Variants in HDAC9 observed in about 807,000 individuals in gnomAD.
HDAC9 encodes the protein histone deacetylase 9, also known as MEF-2 interacting transcription repressor (MITR) protein.
HDAC9 carries 41 observed loss-of-function variants against 139.4 expected under a neutral mutation model. That is an observed-to-expected ratio of 0.29 (90% confidence interval 0.23 to 0.38). The LOEUF (loss-of-function observed/expected upper bound fraction) is 0.38, where lower values mean the gene tolerates loss of function less well. HDAC9 is among the 10% of genes least tolerant of loss of function. The pLI is 1.00. For missense variants in HDAC9, 1,147 were observed against 1,297.0 expected, an observed-to-expected ratio of 0.88 and a Z score of 1.78; for synonymous variants, 517 against 476.2, an observed-to-expected ratio of 1.09 and a Z score of -1.12.
chr7:18,177,767 A>G (rs1323684475), intron 2 of HDAC9, among the ~76,000 whole-genome samples: 1 of 152,154 alleles, frequency 6.6e-6, no homozygotes, highest in Non-Finnish European at 1.5e-5. Context: ...AGCAGTTGGC[A>G]GCTGTATTTA....
At chr7:18,825,975 G>T (rs927633498) in intron 17 of HDAC9, among the ~76,000 whole-genome samples, 5 of 151,272 alleles carry the variant, frequency 3.3e-5, no homozygotes, top group Non-Finnish European at 7.4e-5. Context: ...TCTATAATTT[G>T]GAGGGGAATT....
chr7:18,946,379 G>T lies in HDAC9; in HGVS notation c.2938-7767G>T, dbSNP rs1204356878. On this transcript the variant is annotated intron_variant, in intron 23 of 25. Transcript: ENST00000686413. ...GATTTAGTTCACCAATTAAGACAAA[G>T]GTGATAACATTGTAATAACAGATGC... 2.0e-5 allele frequency among the ~76,000 whole-genome samples: 3 copies of T among 151,944 alleles called. 1 individual carries two copies. Among genetic ancestry groups the T allele is most frequent in the African/African-American group, 7.2e-5 (3 of 41,400 alleles).
chr7:18,561,405 G>A (rs563915608), intron 2 of HDAC9, among the ~76,000 whole-genome samples: 8 of 152,256 alleles, frequency 5.3e-5, no homozygotes, highest in African/African-American at 1.7e-4. Flanking sequence ...CTAGAGCTCA[G>A]TATATCTAAA....
intron 1 of HDAC9, among the ~76,000 whole-genome samples, chr7:18,315,525 T>C (rs1255865046): frequency 2.6e-5 from 4 of 152,238 alleles, no homozygotes; most frequent in Non-Finnish European, 5.9e-5. Context: ...GCTGTAAGCC[T>C]AAATAGATGT....
intron 1 of HDAC9, among the ~76,000 whole-genome samples, chr7:18,479,698 G>C (rs767289400): frequency 2.6e-5 from 4 of 151,772 alleles, no homozygotes; most frequent in Non-Finnish European, 5.9e-5. Context: ...TTCTATCCAT[G>C]GACAAAATGT....
chr7:18,317,006 A>G (rs886305489), intron 1 of HDAC9, among the ~76,000 whole-genome samples: 2 of 151,580 alleles, frequency 1.3e-5, no homozygotes, highest in Non-Finnish European at 2.9e-5. Flanking sequence ...AGGCAGGAGA[A>G]TGGCGTGAAC....
intron 2 of HDAC9, chr7:18,496,554 T>G (rs1796996493): frequency 3.8e-6 from 2 of 524,626 alleles, no homozygotes; most frequent in Admixed American, 6.8e-5. Flanking sequence ...AAACTATTGC[T>G]TCTGATGAAA....
At chr7:18,111,315 A>G (rs995471890) in intron 1 of HDAC9, among the ~76,000 whole-genome samples, 7 of 152,238 alleles carry the variant, frequency 4.6e-5, no homozygotes, top group African/African-American at 1.7e-4. Flanking sequence ...AGTAGTTGCT[A>G]ACTGAAGTCA....
At chr7:18,179,535 A>T (rs1366041882) in intron 2 of HDAC9, among the ~76,000 whole-genome samples, 3 of 151,900 alleles carry the variant, frequency 2.0e-5, no homozygotes, top group Admixed American at 6.6e-5. Context: ...TTTTGCTTCT[A>T]CCTCTCTTAT....
intron 2 of HDAC9, among the ~76,000 whole-genome samples, chr7:18,536,635 T>A (rs1811006959): frequency 6.6e-6 from 1 of 152,174 alleles, no homozygotes; most frequent in Non-Finnish European, 1.5e-5. Context: ...GTGTTTGACC[T>A]TTACTTATAT....
chr7:18,897,861 G>A (rs1250006707), intron 22 of HDAC9, among the ~76,000 whole-genome samples: 1 of 148,616 alleles, frequency 6.7e-6, no homozygotes, highest in Non-Finnish European at 1.5e-5. Context: ...AAGGGTCTTT[G>A]CCACCAGGGA....
chr7:18,519,360 T>C (rs1804253520), intron 2 of HDAC9, among the ~76,000 whole-genome samples: 1 of 152,192 alleles, frequency 6.6e-6, no homozygotes, highest in African/African-American at 2.4e-5. Flanking sequence ...AAAGTTACCA[T>C]ATATTAAATG....
intron 23 of HDAC9, among the ~76,000 whole-genome samples, chr7:18,936,465 A>G (rs1187469018): frequency 6.6e-6 from 1 of 152,210 alleles, no homozygotes; most frequent in African/African-American, 2.4e-5. Flanking sequence ...ATGAACATGA[A>G]TCTAAATGGC....
chr7:18,299,188 GTGAT>G (rs1562850929), intron 1 of HDAC9, among the ~76,000 whole-genome samples: 2 of 150,822 alleles, frequency 1.3e-5, no homozygotes, highest in African/African-American at 4.9e-5. Flanking sequence ...ATTTTAAAAA[GTGAT>G]TAGCACCTTG....
chr7:18,732,839 A>G (rs1236497019), intron 13 of HDAC9, among the ~76,000 whole-genome samples: 3 of 87,382 alleles, frequency 3.4e-5, no homozygotes, highest in Non-Finnish European at 6.5e-5. Context: ...GCGTATGTGT[A>G]CACACACGTG....
chr7:18,382,219 T>C lies in HDAC9; in HGVS notation c.-42+91704T>C, dbSNP rs530703269. 2.5e-3 allele frequency among the ~76,000 whole-genome samples: 385 copies of C among 152,270 alleles called. 1 individual carries two copies. Among genetic ancestry groups the C allele is most frequent in the African/African-American group, 8.9e-3 (369 of 41,544 alleles). On this transcript the variant is annotated intron_variant, in intron 1 of 3. Transcript: ENST00000413509. ...ATAAAACAAGAAACAAAAATAGTTA[T>C]AGAAAGTGCTTTCTTAATAGTAACA...
chr7:18,253,221 C>T lies in HDAC9; in HGVS notation c.25+90872C>T, dbSNP rs570755467. Among the ~76,000 whole-genome samples, 10 of 152,302 alleles carry T rather than the reference C, an allele frequency of 6.6e-5. No homozygotes were observed. The East Asian group carries it at 1.5e-3, about 23-fold the overall frequency. ...TACTACTGCAGTGAGCATATGCATG[C>T]ATGTGTCTTTATAATAGAACAATTT... On this transcript the variant is annotated intron_variant, in intron 2 of 12. Coordinates refer to the HDAC9 transcript ENST00000417496.
At chr7:18,413,805 T>A (rs1296688838) in intron 1 of HDAC9, among the ~76,000 whole-genome samples, 1 of 152,164 alleles carries the variant, frequency 6.6e-6, no homozygotes, top group Non-Finnish European at 1.5e-5. Context: ...TGGTGTTTTT[T>A]GCTGCCTAAA....
chr7:18,116,658 A>G (rs2731570), intron 1 of HDAC9, among the ~76,000 whole-genome samples: 151,692 of 152,174 alleles, frequency 1, 75,607 homozygotes, highest in Non-Finnish European at 1. Flanking sequence ...TTTTATTAAC[A>G]AATAATAGAG....
Sources: gnomAD v4.1 joint callset for allele counts (sites outside exome capture counted in the v4.1 genomes callset) on GRCh38, gnomAD v4.1.1 for gene constraint, MANE v1.5 for transcripts, NCBI Gene and HGNC (gene_info 2026-07-23, HGNC 2026-07-21) for gene names.